The following DNAI4 variants were observed in gnomAD, a reference collection of about 807,000 sequenced individuals.
DNAI4 encodes WD repeat domain 78.
Under a neutral mutation model 105.8 loss-of-function variants are expected in DNAI4, and 85 were observed. The ratio of observed to expected loss-of-function variants is 0.80; its 90% CI spans 0.67 to 0.96. DNAI4 has a LOEUF of 0.96. Ranked by LOEUF, DNAI4 falls within the 40% of genes least tolerant of loss-of-function variation. The pLI is 0.00. For synonymous variants in DNAI4, 352 were observed against 331.5 expected (o/e 1.06, Z -0.67); for missense variants, 1,014 against 1,005.6 (o/e 1.01, Z -0.11).
rs754628906 is a variant in DNAI4, at chr1:66,822,549, T to G, written c.2340-32A>C. ...TGAAATATTTTATTTGTAAATTCAA[T>G]TGTTATATTAATATGGTCTTTTAAA... On this transcript the variant is annotated intron_variant, in intron 15 of 16. Transcript: ENST00000371026. 9.4e-5 allele frequency: 142 copies of G among 1,510,366 alleles called. 1 individual carries two copies. The South Asian group carries it at 1.7e-3, about 19-fold the overall frequency. The allele number at this position is 1,510,366 out of a possible 1,614,324, so 93.6% of individuals were successfully genotyped here. A position where few individuals can be genotyped will look rare whatever the true frequency, so the allele number is the denominator to read the frequency against.
chr1:66,920,785 G>A (rs1650428636), intron 1 of DNAI4, among the ~76,000 whole-genome samples: 1 of 152,178 alleles, frequency 6.6e-6, no homozygotes, highest in African/African-American at 2.4e-5. Context: ...GAACTGCAAG[G>A]CTGAATCTAT....
rs113729022 is a variant in DNAI4, at chr1:66,893,426, G to T, written c.346-13C>A. Reference sequence around the variant, plus strand: ...TTATGTCAAATACCTGTTAAAAATGGTTATTTAAAATGAAATAACTAAAAA... The same window carrying T: ...TTATGTCAAATACCTGTTAAAAATGTTTATTTAAAATGAAATAACTAAAAA... On this transcript the variant is annotated splice_polypyrimidine_tract_variant and intron_variant, in intron 2 of 16. Transcript: ENST00000371026. The T allele has an allele frequency of 1.2e-3, 1,821 of 1,462,256 alleles. 21 individuals carry two copies. In the African/African-American group the frequency reaches 0.023, roughly 18 times the overall value. The allele number at this position is 1,462,256 out of a possible 1,614,324, so 90.6% of individuals were successfully genotyped here. A position where few individuals can be genotyped will look rare whatever the true frequency, so the allele number is the denominator to read the frequency against.
intron 4 of DNAI4, among the ~76,000 whole-genome samples, chr1:66,878,987 AGTCT>A (rs1403982094): frequency 4.6e-5 from 7 of 152,088 alleles, no homozygotes; most frequent in African/African-American, 1.7e-4. Flanking sequence ...CTTTTGTTAC[AGTCT>A]GTATTCCATT....
chr1:66,886,011 C>G (rs1434337267), intron 4 of DNAI4, among the ~76,000 whole-genome samples: 1 of 152,164 alleles, frequency 6.6e-6, no homozygotes, highest in Non-Finnish European at 1.5e-5. Context: ...TATTATCCCA[C>G]AGTTCTTGGA....
intron 6 of DNAI4, among the ~76,000 whole-genome samples, chr1:66,864,532 T>A (rs1349395466): frequency 6.6e-6 from 1 of 152,204 alleles, no homozygotes; most frequent in African/African-American, 2.4e-5. Context: ...AGTTACAGCA[T>A]CTGCTATAAA....
At chr1:66,865,397 C>G (rs1646712613) in intron 6 of DNAI4, among the ~76,000 whole-genome samples, 1 of 152,162 alleles carries the variant, frequency 6.6e-6, no homozygotes, top group African/African-American at 2.4e-5. Context: ...GCCCTTCAAC[C>G]TGGGTGTCAG....
intron 10 of DNAI4, among the ~76,000 whole-genome samples, chr1:66,836,248 GAGAGAGAGAAAGAA>G (rs1646005692): frequency 8.3e-6 from 1 of 120,646 alleles, no homozygotes. Context: ...GAAAGAAAGA[GAGAGAGAGAAAGAA>G]AGAAAGAAAG....
intron 4 of DNAI4, among the ~76,000 whole-genome samples, chr1:66,880,793 A>G (rs538648769): frequency 1.3e-5 from 2 of 152,350 alleles, no homozygotes; most frequent in Admixed American, 1.3e-4. Flanking sequence ...ATTAATCACC[A>G]AGACAATGGG....
chr1:66,896,065 C>T (rs1271828034), intron 2 of DNAI4, among the ~76,000 whole-genome samples: 2 of 152,122 alleles, frequency 1.3e-5, no homozygotes, highest in African/African-American at 2.4e-5. Flanking sequence ...ATGCTAGCCT[C>T]ATAAAATGAG....
At position 66,901,727 on chromosome 1, in the gene DNAI4, C is replaced by T. The variant is rs549860190; in HGVS notation, c.345+3474G>A. On this transcript the variant is annotated intron_variant, in intron 2 of 16. Coordinates refer to ENST00000371026, the MANE Select transcript of DNAI4 (RefSeq NM_024763.5). Reference sequence around the variant, plus strand: ...GCTTTGAAGTCTTTTGATATATACTCCTTCCTGAATCATATAGTAATTCTA... The same window carrying T: ...GCTTTGAAGTCTTTTGATATATACTTCTTCCTGAATCATATAGTAATTCTA... Among the ~76,000 whole-genome samples the T allele has an allele frequency of 2.6e-5, 4 of 152,288 alleles. No individual in the cohort carries two copies. The South Asian group carries it at 6.2e-4, about 24-fold the overall frequency.
At chr1:66,830,976 CAAAAA>C (rs71242799) in intron 13 of DNAI4, among the ~76,000 whole-genome samples, 6 of 81,808 alleles carry the variant, frequency 7.3e-5, no homozygotes, top group African/African-American at 2.8e-4. Context: ...GACTCTGTCA[CAAAAA>C]AAAAAAAAAA....
intron 7 of DNAI4, 131 bp downstream of exon 7, chr1:66,862,016 T>G (rs1417467998): frequency 6.0e-6 from 5 of 839,242 alleles, no homozygotes; most frequent in Non-Finnish European, 9.0e-6. Context: ...AGAGTAATAG[T>G]GCTATTTCTG....
At chr1:66,851,522 C>A (rs919411894) in intron 7 of DNAI4, among the ~76,000 whole-genome samples, 1 of 151,644 alleles carries the variant, frequency 6.6e-6, no homozygotes, top group African/African-American at 2.4e-5. Context: ...ATACAACAAA[C>A]CTTGACAAAT....
intron 1 of DNAI4, among the ~76,000 whole-genome samples, chr1:66,916,015 GGAGACT>G (rs1306987079): frequency 6.6e-6 from 1 of 151,072 alleles, no homozygotes; most frequent in African/African-American, 2.4e-5. Context: ...CATCTACCTG[GGAGACT>G]GAGAAAGGAG....
At position 66,844,725 on chromosome 1, in the gene DNAI4, A is replaced by C. The variant is rs1229845797; in HGVS notation, c.1291+2759T>G. Among the ~76,000 whole-genome samples the C allele has an allele frequency of 5.3e-5, 8 of 152,222 alleles. No homozygotes were observed. The East Asian group carries it at 1.5e-3, about 29-fold the overall frequency. ...GAGCTCATGGAAAGAATTAATTACA[A>C]AAGAAAAAAATTGGCAGATTAGATT... On this transcript the variant is annotated intron_variant, in intron 8 of 16. Coordinates refer to ENST00000371026, the MANE Select transcript of DNAI4 (RefSeq NM_024763.5).
At chr1:66,918,743 A>C (rs555193455) in intron 1 of DNAI4, among the ~76,000 whole-genome samples, 4 of 152,330 alleles carry the variant, frequency 2.6e-5, no homozygotes, top group African/African-American at 9.6e-5. Flanking sequence ...GAGATCAGAT[A>C]AAACCTGAGA....
At chr1:66,909,285 T>C (rs867291602) in intron 1 of DNAI4, among the ~76,000 whole-genome samples, 2 of 134,466 alleles carry the variant, frequency 1.5e-5, no homozygotes, top group South Asian at 2.5e-4. Flanking sequence ...CACCTCTCTC[T>C]ACACACACAC....
intron 7 of DNAI4, among the ~76,000 whole-genome samples, chr1:66,857,314 C>T (rs1001608716): frequency 5.9e-5 from 7 of 118,748 alleles, no homozygotes; most frequent in Admixed American, 2.4e-4. Flanking sequence ...GGAAGGGGAA[C>T]ATCATACACT....
chr1:66,908,466 C>T (rs1335876053), intron 1 of DNAI4, among the ~76,000 whole-genome samples: 1 of 152,220 alleles, frequency 6.6e-6, no homozygotes, highest in Admixed American at 6.5e-5. Flanking sequence ...TGCCCCAGAA[C>T]CTACTGAGAT....
Sources: allele counts gnomAD v4.1 joint callset (sites outside exome capture counted in the v4.1 genomes callset), GRCh38; gene constraint gnomAD v4.1.1; transcripts MANE v1.5; gene names NCBI Gene and HGNC (gene_info 2026-07-23, HGNC 2026-07-21).